Variants in ZNF568 observed in about 807,000 individuals in gnomAD.
The protein encoded by ZNF568 is zinc finger protein 568.
ZNF568 carries 11 observed loss-of-function variants against 18.1 expected under a neutral mutation model. The ratio of observed to expected loss-of-function variants is 0.61; its 90% CI spans 0.38 to 1.00. The LOEUF (loss-of-function observed/expected upper bound fraction) is 1.00, where lower values mean the gene tolerates loss of function less well. ZNF568 is among the 50% of genes least tolerant of loss of function. The probability of loss-of-function intolerance (pLI) is 0.01; values close to 1 mark genes in which losing one functional copy is unlikely to be tolerated. For missense variants in ZNF568, 639 were observed against 768.2 expected, an observed-to-expected ratio of 0.83 and a Z score of 1.99; for synonymous variants, 213 against 246.6, an observed-to-expected ratio of 0.86 and a Z score of 1.28.
At chr19:36,996,574 A>G in exon 5 of ZNF568, 1 of 1,536,178 alleles carries the variant, frequency 6.5e-7, no homozygotes, top group Non-Finnish European at 8.7e-7. Context: ...GAATGCTTTT[A>G]GGTACCAGTC....
At chr19:36,930,499 G>A (rs561338052) in intron 4 of ZNF568, among the ~76,000 whole-genome samples, 1 of 152,250 alleles carries the variant, frequency 6.6e-6, no homozygotes, top group East Asian at 1.9e-4. Context: ...ATGAGCCACC[G>A]CGCCTGGCCA....
chr19:36,987,822 CTGTGTG>C (rs56000710), intron 2 of ZNF568, among the ~76,000 whole-genome samples: 19 of 146,324 alleles, frequency 1.3e-4, no homozygotes, highest in East Asian at 2.2e-4. Flanking sequence ...AACACAGACT[CTGTGTG>C]TGTGTGTGTG....
chr19:36,943,973 A>G (rs564329074), intron 6 of ZNF568, among the ~76,000 whole-genome samples: 2 of 152,214 alleles, frequency 1.3e-5, no homozygotes, highest in South Asian at 4.2e-4. Context: ...TTTCTTTAAA[A>G]ACTTTTGCCT....
At chr19:36,995,386 G>GA (rs2146352874) in intron 4 of ZNF568, among the ~76,000 whole-genome samples, 1 of 152,234 alleles carries the variant, frequency 6.6e-6, no homozygotes, top group African/African-American at 2.4e-5. Context: ...GTGCCAGAGT[G>GA]AGACTGTGTC....
chr19:36,991,032 C>T (rs1001103381), intron 2 of ZNF568: 12 of 807,632 alleles, frequency 1.5e-5, no homozygotes, highest in Middle Eastern at 6.1e-4. Context: ...GTTTCCACAC[C>T]GACCCCTCCA....
At chr19:36,987,458 T>C (rs998095626) in intron 2 of ZNF568, among the ~76,000 whole-genome samples, 4 of 152,140 alleles carry the variant, frequency 2.6e-5, no homozygotes, top group Non-Finnish European at 5.9e-5. Flanking sequence ...AAGTGGCTGG[T>C]GCATAGAACA....
intron 6 of ZNF568, among the ~76,000 whole-genome samples, chr19:36,959,351 T>G (rs145030466): frequency 3.6e-4 from 55 of 152,328 alleles, no homozygotes; most frequent in Middle Eastern, 3.4e-3. Context: ...TTTGCATCCC[T>G]GGTGCAAATC....
chr19:36,965,980 G>A (rs922856117), intron 6 of ZNF568, among the ~76,000 whole-genome samples: 9 of 151,660 alleles, frequency 5.9e-5, no homozygotes, highest in African/African-American at 1.2e-4. Context: ...GATTACAGGC[G>A]TGAGCCATAG....
In ZNF568 at chr19:36,950,874, C is replaced by G; in HGVS notation, c.1721C>G (p.Thr574Ser). ...GKAFSRISSL[T>S]LHVRSHTGEK... ...GCCTTCTCTCGAATCTCATCCCTCACTCTTCATGTGAGAAGTCACACAGGG... is the reference window on the plus strand; with the variant it reads ...GCCTTCTCTCGAATCTCATCCCTCAGTCTTCATGTGAGAAGTCACACAGGG... The change falls in exon 7 of 7, where the codon ACT (threonine) becomes AGT (serine). Residue 574 changes from threonine (T) to serine (S), a missense_variant. Transcript: ENST00000333987. The G allele has an allele frequency of 6.2e-7, 1 of 1,613,382 alleles. No homozygotes were observed. Among genetic ancestry groups the G allele is most frequent in the Middle Eastern group, 1.7e-4 (1 of 6,048 alleles).
At chr19:36,942,179 A>T (rs2073890753) in intron 6 of ZNF568, among the ~76,000 whole-genome samples, 2 of 150,578 alleles carry the variant, frequency 1.3e-5, no homozygotes, top group East Asian at 2.1e-4. Context: ...ATGGGGTTTC[A>T]CCATGTTAGT....
At chr19:36,935,734 G>A (rs938444844) in intron 4 of ZNF568, among the ~76,000 whole-genome samples, 1 of 151,992 alleles carries the variant, frequency 6.6e-6, no homozygotes, top group Non-Finnish European at 1.5e-5. Flanking sequence ...ATGTCCTTTA[G>A]TAACAGTTTT....
chr19:36,950,897 G>C lies in ZNF568; in HGVS notation c.1744G>C (p.Gly582Arg). 5 of 1,613,574 alleles carry C rather than the reference G, an allele frequency of 3.1e-6. No homozygotes were observed. The highest frequency in any genetic ancestry group is 4.2e-6 in the Non-Finnish European group (5 of 1,179,780). Residue 582 changes from glycine to arginine, a missense_variant, in exon 7 of 7, where the codon GGG becomes CGG. Transcript: ENST00000333987. ...SLTLHVRSHTGEKPYECNKCG... is the reference protein window; with the variant it reads ...SLTLHVRSHTREKPYECNKCG... ...CACTCTTCATGTGAGAAGTCACACA[G>C]GGGAGAAACCCTATGAATGTAATAA... is the stretch of plus-strand genomic sequence containing the variant.
At chr19:36,984,338 G>A (rs184258033), downstream of ZNF568, among the ~76,000 whole-genome samples, 22 of 151,968 alleles carry the variant, frequency 1.4e-4, no homozygotes, top group Non-Finnish European at 2.5e-4. Flanking sequence ...CCTTCTATGA[G>A]TTTGAAAGTT....
chr19:36,975,207 G>A lies in ZNF568; in HGVS notation c.405+741G>A, dbSNP rs2074272471. Among the ~76,000 whole-genome samples, 3 of 148,964 alleles carry A rather than the reference G, an allele frequency of 2.0e-5. No homozygotes were observed. In the Admixed American group the frequency reaches 2.0e-4, roughly 10 times the overall value. ...CTGTTGCCCAGGCTGGAGTGCAATG[G>A]CACAATCTCGGCTCACTGCAACCTC... On this transcript the variant is annotated intron_variant, in intron 7 of 7. Transcript: ENST00000427117.
At chr19:36,963,269 T>A (rs923657746) in intron 6 of ZNF568, among the ~76,000 whole-genome samples, 3 of 152,208 alleles carry the variant, frequency 2.0e-5, no homozygotes, top group African/African-American at 7.2e-5. Flanking sequence ...TTTATGAAAA[T>A]TCTTAATTTC....
intron 6 of ZNF568, among the ~76,000 whole-genome samples, chr19:36,961,388 T>C (rs1401614930): frequency 2.0e-5 from 3 of 152,072 alleles, no homozygotes; most frequent in African/African-American, 7.2e-5. Flanking sequence ...TTTTCCATCC[T>C]TTTACTTTCA....
chr19:36,921,747 T>G (rs1429481978), intron 2 of ZNF568, among the ~76,000 whole-genome samples: 1 of 152,236 alleles, frequency 6.6e-6, no homozygotes, highest in Non-Finnish European at 1.5e-5. Flanking sequence ...AATTGTCATT[T>G]CAGATGAAGA....
chr19:36,959,267 G>C (rs1018210289), intron 6 of ZNF568, among the ~76,000 whole-genome samples: 3 of 152,138 alleles, frequency 2.0e-5, no homozygotes, highest in Admixed American at 2.0e-4. Flanking sequence ...CATCTATTGA[G>C]ATGATTATAT....
At chr19:36,936,943 A>G in intron 5 of ZNF568, 71 bp downstream of exon 5, 1 of 1,567,262 alleles carries the variant, frequency 6.4e-7, no homozygotes, top group East Asian at 2.3e-5. Context: ...TGAAGACTGT[A>G]ACTTGCCAGA....
Sources: gnomAD v4.1 joint callset for allele counts (sites outside exome capture counted in the v4.1 genomes callset) on GRCh38, gnomAD v4.1.1 for gene constraint, MANE v1.5 for transcripts, NCBI Gene and HGNC (gene_info 2026-07-23, HGNC 2026-07-21) for gene names.